The following JAKMIP3 variants were observed in gnomAD, a reference collection of about 807,000 sequenced individuals.
JAKMIP3 encodes janus kinase and microtubule-interacting protein 3.
A neutral mutation model predicts 118.5 loss-of-function variants in JAKMIP3; 58 were observed. That is an observed-to-expected ratio of 0.49 (90% confidence interval 0.40 to 0.61). The LOEUF is 0.61. Among genes scored for constraint, JAKMIP3 ranks in the 20% least tolerant of loss-of-function variants. The pLI is 0.00. For missense variants in JAKMIP3, 950 were observed against 1,109.0 expected, an observed-to-expected ratio of 0.86 and a Z score of 2.04; for synonymous variants, 486 against 451.2, an observed-to-expected ratio of 1.08 and a Z score of -0.98.
intron 16 of JAKMIP3, among the ~76,000 whole-genome samples, chr10:132,151,088 C>T (rs1210128629): frequency 6.6e-6 from 1 of 152,142 alleles, no homozygotes. Flanking sequence ...ATCTCCCATT[C>T]ATCCTCCATA....
At chr10:132,158,135 C>T (rs1316024807) in intron 19 of JAKMIP3, among the ~76,000 whole-genome samples, 2 of 146,370 alleles carry the variant, frequency 1.4e-5, no homozygotes, top group East Asian at 5.0e-4. Flanking sequence ...AGCCATCCAC[C>T]TTTTCCACCC....
chr10:132,139,055 T>C (rs990096955), intron 9 of JAKMIP3, among the ~76,000 whole-genome samples: 6 of 150,324 alleles, frequency 4.0e-5, no homozygotes, highest in Admixed American at 2.7e-4. Flanking sequence ...GTTGAGTGTG[T>C]GTGTGTGTGT....
At position 132,168,313 on chromosome 10, in the gene JAKMIP3, C is replaced by A; in HGVS notation, c.*383C>A. 7.8e-7 allele frequency: 1 copy of A among 1,289,482 alleles called. No homozygotes were observed. Among genetic ancestry groups the A allele is most frequent in the Non-Finnish European group, 1.0e-6 (1 of 988,794 alleles). 79.9% of individuals were successfully genotyped at this position (1,289,482 alleles called of 1,614,324 possible). ...TGTGCAGAAGCACCAGCCGCGGGTC[C>A]CCTCCTCTCTCTTGGTTCTCACAGT... is the stretch of plus-strand genomic sequence containing the variant. On this transcript the variant is annotated 3_prime_UTR_variant, in exon 23 of 24. Coordinates refer to ENST00000684848, the MANE Select transcript of JAKMIP3 (RefSeq NM_001323087.2).
intron 6 of JAKMIP3, 136 bp downstream of exon 6, chr10:132,136,212 C>T: frequency 1.1e-6 from 1 of 918,458 alleles, no homozygotes; most frequent in Non-Finnish European, 1.6e-6. Context: ...AGTCTGGCCT[C>T]ACGCATGTTT....
intron 23 of JAKMIP3, chr10:132,181,075 ATGTAG>A (rs2061404802): frequency 6.6e-6 from 1 of 151,856 alleles, no homozygotes. Flanking sequence ...GTACGTGCAC[ATGTAG>A]TGTGTGTGTG....
intron 19 of JAKMIP3, among the ~76,000 whole-genome samples, chr10:132,161,054 C>T (rs1202339483): frequency 2.1e-5 from 2 of 95,652 alleles, no homozygotes; most frequent in Non-Finnish European, 4.3e-5. Context: ...ATGCTGGGGG[C>T]GTGTCTTTCT....
chr10:132,159,356 C>T (rs1224836456), intron 19 of JAKMIP3, among the ~76,000 whole-genome samples: 15 of 88,572 alleles, frequency 1.7e-4, no homozygotes, highest in South Asian at 8.5e-4. Context: ...GGGGGCCTCT[C>T]CCTGTGTGAT....
intron 1 of JAKMIP3, among the ~76,000 whole-genome samples, chr10:132,050,430 C>T (rs1806185537): frequency 6.6e-6 from 1 of 152,122 alleles, no homozygotes; most frequent in Admixed American, 6.5e-5. Flanking sequence ...TTCTGCCGGT[C>T]GCCTTTGCCA....
chr10:132,040,055 G>C (rs2037675054), intron 1 of JAKMIP3, among the ~76,000 whole-genome samples: 1 of 152,218 alleles, frequency 6.6e-6, no homozygotes, highest in African/African-American at 2.4e-5. Flanking sequence ...AGGTGCTGCT[G>C]TGGACCAAAT....
In JAKMIP3 at chr10:132,093,759, G is replaced by A. The variant is rs79262988; in HGVS notation, c.-137-10913G>A. Among the ~76,000 whole-genome samples the A allele has an allele frequency of 9.2e-5, 14 of 152,172 alleles. No homozygotes were observed. In the East Asian group the frequency reaches 1.9e-3, roughly 21 times the overall value. ...ACCCACTGTCCTGCCCCCACTGTCCGACAAGCCCCAGTGAGATGAACCCAG... is the reference window on the plus strand; with the variant it reads ...ACCCACTGTCCTGCCCCCACTGTCCAACAAGCCCCAGTGAGATGAACCCAG... On this transcript the variant is annotated intron_variant, in intron 1 of 23. Transcript: ENST00000684848.
chr10:132,168,692 C>T lies in JAKMIP3; in HGVS notation c.*762C>T, dbSNP rs908095906. ...CGCCCAAGCCGCCAGCTGGGAGCAC[C>T]GCGGGACTGAGCCAAGGAAGGCGTG... On this transcript the variant is annotated 3_prime_UTR_variant, in exon 23 of 24. Coordinates refer to ENST00000684848, the MANE Select transcript of JAKMIP3 (RefSeq NM_001323087.2). 61 of 314,540 alleles carry T rather than the reference C, an allele frequency of 1.9e-4. 1 individual carries two copies. The highest frequency in any genetic ancestry group is 2.5e-4 in the African/African-American group (11 of 44,786). The allele number at this position is 314,540 out of a possible 1,614,324, so 19.5% of individuals were successfully genotyped here.
chr10:132,170,976 C>T (rs529389265), intron 23 of JAKMIP3, among the ~76,000 whole-genome samples: 36 of 152,324 alleles, frequency 2.4e-4, no homozygotes, highest in Non-Finnish European at 4.0e-4. Context: ...CCCAGATGCT[C>T]GTGGAGGGCT....
chr10:132,180,656 T>TGTGCGC lies in JAKMIP3; in HGVS notation c.*1104-1700_*1104-1699insTGCGCG, dbSNP rs1554963087. Among the ~76,000 whole-genome samples the TGTGCGC allele has an allele frequency of 3.6e-3, 59 of 16,326 alleles. 15 individuals are homozygous for TGTGCGC. The highest frequency in any genetic ancestry group is 0.015 in the African/African-American group (59 of 3,972). 10.7% of individuals were successfully genotyped at this position (16,326 alleles called of 152,430 possible). ...GTGCGTGCGTGTGTGCGTGTGCGTG[T>TGTGCGC]GCGTGTGTGCGTGTGTGTGCGCGCG... On this transcript the variant is annotated intron_variant, in intron 23 of 23. Transcript: ENST00000684848.
chr10:132,136,084 G>C lies in JAKMIP3; in HGVS notation c.1116+8G>C. On this transcript the variant is annotated splice_region_variant and intron_variant, in intron 6 of 23. Transcript: ENST00000684848. ...CAGGAGAACATAGAAATGGTGAGGG[G>C]GTGGGGGGCTCCACGGGGCCACGGT... The C allele has an allele frequency of 6.2e-7, 1 of 1,612,822 alleles. No individual in the cohort carries two copies. The highest frequency in any genetic ancestry group is 8.5e-7 in the Non-Finnish European group (1 of 1,179,580).
intron 1 of JAKMIP3, among the ~76,000 whole-genome samples, chr10:132,101,376 G>A (rs760890232): frequency 2.0e-5 from 3 of 152,056 alleles, no homozygotes; most frequent in Non-Finnish European, 4.4e-5. Flanking sequence ...AAGTCTCCCC[G>A]AAACAAAATT....
intron 11 of JAKMIP3, among the ~76,000 whole-genome samples, chr10:132,143,142 C>CGGGGG (rs139480000): frequency 1.4e-5 from 2 of 146,832 alleles, no homozygotes; most frequent in African/African-American, 5.2e-5. Flanking sequence ...TGTCCTGAGT[C>CGGGGG]GGGGTGGGGG....
At position 132,179,756 on chromosome 10, in the gene JAKMIP3, G is replaced by T. The variant is rs1405213907; in HGVS notation, c.*1104-2601G>T. Among the ~76,000 whole-genome samples the T allele has an allele frequency of 6.8e-6, 1 of 148,126 alleles. No individual in the cohort carries two copies. The highest frequency in any genetic ancestry group is 2.7e-5 in the African/African-American group (1 of 37,668). ...CACAGCAGGGTCACGCCACGGCAGG[G>T]TCACACCACAACAGCCACACCATGG... is the stretch of plus-strand genomic sequence containing the variant. On this transcript the variant is annotated intron_variant, in intron 23 of 23. Coordinates refer to ENST00000684848, the MANE Select transcript of JAKMIP3 (RefSeq NM_001323087.2). This position sits in a 1 kb window ranked among gnomAD's most constrained non-coding sequence, Gnocchi z 4.3.
chr10:132,177,566 CCTG>C (rs2060270256), intron 23 of JAKMIP3, among the ~76,000 whole-genome samples: 1 of 146,968 alleles, frequency 6.8e-6, no homozygotes. Context: ...TGTGTGCGCA[CCTG>C]CTCCTGTGCC....
upstream of JAKMIP3, among the ~76,000 whole-genome samples, chr10:132,064,427 G>A (rs913850670): frequency 6.6e-6 from 1 of 152,122 alleles, no homozygotes; most frequent in Non-Finnish European, 1.5e-5. The surrounding 1 kb of genome is among the most constrained non-coding windows in gnomAD (Gnocchi z 4.4). Flanking sequence ...CCTCGGGGTC[G>A]GGCGTGGACC....
Sources: allele counts gnomAD v4.1 joint callset (sites outside exome capture counted in the v4.1 genomes callset), GRCh38; gene constraint gnomAD v4.1.1; non-coding constraint Gnocchi (gnomAD v3.1); transcripts MANE v1.5; gene names NCBI Gene and HGNC (gene_info 2026-07-23, HGNC 2026-07-21).